ASTN2: variants seen among roughly 807,000 people sequenced by gnomAD.
ASTN2 encodes astrotactin 2, also known as astrotactin-2.
Under a neutral mutation model 139.8 loss-of-function variants are expected in ASTN2, and 54 were observed. That is an observed-to-expected ratio of 0.39 (90% CI 0.31 to 0.48). The LOEUF is 0.48. Ranked by LOEUF, ASTN2 falls within the 20% of genes least tolerant of loss-of-function variation. ASTN2 has a pLI of 0.95. For missense variants in ASTN2, 1,565 were observed against 1,725.1 expected (o/e 0.91, Z 1.64); for synonymous variants, 756 against 719.5 (o/e 1.05, Z -0.81).
At chr9:117,091,280 C>T (rs1828699217) in intron 5 of ASTN2, among the ~76,000 whole-genome samples, 1 of 152,198 alleles carries the variant, frequency 6.6e-6, no homozygotes. Context: ...ATCATTCATT[C>T]ATTCATTCAA....
chr9:116,527,194 T>G (rs1300009310), intron 19 of ASTN2, among the ~76,000 whole-genome samples: 1 of 152,038 alleles, frequency 6.6e-6, no homozygotes, highest in Non-Finnish European at 1.5e-5. Context: ...CAAATAGGAT[T>G]GCATCAAACT....
At chr9:116,592,895 C>G (rs1290150908) in intron 19 of ASTN2, among the ~76,000 whole-genome samples, 1 of 152,184 alleles carries the variant, frequency 6.6e-6, no homozygotes, top group Non-Finnish European at 1.5e-5. Context: ...CCTTCCTTCT[C>G]CCAGTGATAA....
At chr9:117,045,991 CGTATGTATGTAT>C (rs57186974) in intron 5 of ASTN2, among the ~76,000 whole-genome samples, 7 of 143,074 alleles carry the variant, frequency 4.9e-5, no homozygotes, top group East Asian at 2.1e-4. Context: ...TACGTACGTA[CGTATGTATGTAT>C]GTATGTATGT....
At chr9:116,862,516 C>T (rs1424041545) in intron 11 of ASTN2, among the ~76,000 whole-genome samples, 1 of 152,150 alleles carries the variant, frequency 6.6e-6, no homozygotes, top group East Asian at 1.9e-4. Context: ...AAGGAGATGT[C>T]TCTGGAAAGA....
chr9:117,038,510 C>T (rs1250644946), intron 6 of ASTN2, among the ~76,000 whole-genome samples: 1 of 152,044 alleles, frequency 6.6e-6, no homozygotes, highest in African/African-American at 2.4e-5. Context: ...TGAGAAGACA[C>T]TTTTAGAGGT....
intron 2 of ASTN2, among the ~76,000 whole-genome samples, chr9:117,247,805 A>G (rs1351958964): frequency 6.6e-6 from 1 of 152,186 alleles, no homozygotes; most frequent in East Asian, 1.9e-4. Context: ...TCCTTTTCCT[A>G]GAGGTGCTGG....
chr9:117,211,553 G>A (rs1832128990), intron 3 of ASTN2, among the ~76,000 whole-genome samples: 1 of 152,148 alleles, frequency 6.6e-6, no homozygotes, highest in African/African-American at 2.4e-5. Context: ...ATTACTGTAA[G>A]TTTCCTGAGG....
At chr9:116,618,615 C>A in intron 18 of ASTN2, 143 bp from the exon 19 acceptor site, 1 of 952,052 alleles carries the variant, frequency 1.1e-6, no homozygotes, top group Non-Finnish European at 1.5e-6. Context: ...CTTGCATGAC[C>A]GTAGGCAAGT....
Position 117,414,948 on chromosome 9 carries a change from GGCTGCGGT to G in ASTN2, c.-18_-11del. The G allele has an allele frequency of 3.4e-6, 1 of 293,680 alleles. No homozygotes were observed. The highest frequency in any genetic ancestry group is 5.4e-6 in the Non-Finnish European group (1 of 183,770). The allele number at this position is 293,680 out of a possible 1,614,324, so 18.2% of individuals were successfully genotyped here. A position where few individuals can be genotyped will look rare whatever the true frequency, so the allele number is the denominator to read the frequency against. On this transcript the variant is annotated 5_prime_UTR_variant, in exon 1 of 23. Coordinates refer to ENST00000313400, the MANE Select transcript of ASTN2 (RefSeq NM_001365068.1). This position sits in a 1 kb window ranked among gnomAD's most constrained non-coding sequence, Gnocchi z 4.2. ...CGCCGGCGGCGGCCATGGCGGGAGG[GGCTGCGGT>G]GCTGCGGGCGGCGGCGGCGGTGGCG...
chr9:116,757,816 C>T (rs1829575134), intron 13 of ASTN2, among the ~76,000 whole-genome samples: 1 of 152,136 alleles, frequency 6.6e-6, no homozygotes, highest in Non-Finnish European at 1.5e-5. Context: ...GACCAATCAT[C>T]TTCTGAGCCT....
At chr9:116,838,565 A>G (rs945612244) in intron 11 of ASTN2, among the ~76,000 whole-genome samples, 3 of 149,076 alleles carry the variant, frequency 2.0e-5, no homozygotes, top group Non-Finnish European at 4.4e-5. Flanking sequence ...CTGGAATTAC[A>G]GGCGTGTGCT....
At chr9:117,313,463 G>C (rs1828040422) in intron 1 of ASTN2, among the ~76,000 whole-genome samples, 2 of 152,140 alleles carry the variant, frequency 1.3e-5, no homozygotes, top group Non-Finnish European at 2.9e-5. Context: ...ACAGGAACAT[G>C]ACAGAGAGGT....
intron 1 of ASTN2, among the ~76,000 whole-genome samples, chr9:117,348,506 G>A (rs1020884964): frequency 1.3e-5 from 2 of 152,280 alleles, no homozygotes; most frequent in South Asian, 4.1e-4. Flanking sequence ...TTTAGGAAAT[G>A]TTGAGATAAG....
At chr9:116,998,393 A>C (rs1217054257) in intron 7 of ASTN2, among the ~76,000 whole-genome samples, 1 of 152,202 alleles carries the variant, frequency 6.6e-6, no homozygotes, top group Non-Finnish European at 1.5e-5. Flanking sequence ...GTTTCAGAAA[A>C]GGATTAGGTA....
At chr9:116,511,397 C>T (rs540381485) in intron 19 of ASTN2, among the ~76,000 whole-genome samples, 18 of 152,252 alleles carry the variant, frequency 1.2e-4, no homozygotes, top group Admixed American at 1.3e-4. Flanking sequence ...CTGCTGAATT[C>T]GGTTTCCCAG....
At chr9:116,865,744 A>T (rs1365328239) in intron 10 of ASTN2, among the ~76,000 whole-genome samples, 1 of 152,086 alleles carries the variant, frequency 6.6e-6, no homozygotes, top group African/African-American at 2.4e-5. Flanking sequence ...TGAAGAGGGG[A>T]TCTGTGTGTG....
At chr9:116,823,046 G>A (rs1831533659) in intron 11 of ASTN2, among the ~76,000 whole-genome samples, 2 of 152,184 alleles carry the variant, frequency 1.3e-5, no homozygotes, top group Admixed American at 6.5e-5. Context: ...ACCTGAAAGA[G>A]GTCAGGCACA....
intron 1 of ASTN2, among the ~76,000 whole-genome samples, chr9:117,343,506 C>G (rs1016566606): frequency 1.3e-5 from 2 of 152,156 alleles, no homozygotes; most frequent in African/African-American, 4.8e-5. Flanking sequence ...TTGTGTGGCA[C>G]TCCCCAAGAC....
intron 4 of ASTN2, among the ~76,000 whole-genome samples, chr9:117,133,514 G>A (rs1829872406): frequency 6.6e-6 from 1 of 152,148 alleles, no homozygotes; most frequent in Non-Finnish European, 1.5e-5. Flanking sequence ...CATGAAGCCA[G>A]TTTGATTAAT....
Sources: gnomAD v4.1 joint callset for allele counts (sites outside exome capture counted in the v4.1 genomes callset) on GRCh38, gnomAD v4.1.1 for gene constraint, Gnocchi (gnomAD v3.1) non-coding constraint, MANE v1.5 for transcripts, NCBI Gene and HGNC (gene_info 2026-07-23, HGNC 2026-07-21) for gene names.